Variants in LANCL1 observed in about 807,000 individuals in gnomAD.
The protein encoded by LANCL1 is glutathione S-transferase LANCL1.
Under a neutral mutation model 50.6 loss-of-function variants are expected in LANCL1, and 50 were observed. The ratio of observed to expected loss-of-function variants is 0.99; its 90% CI spans 0.79 to 1.25. The LOEUF (loss-of-function observed/expected upper bound fraction) is 1.25. LANCL1 is among the 50% of genes most tolerant of loss of function. The probability of loss-of-function intolerance (pLI) is 0.00; values close to 1 mark genes in which losing one functional copy is unlikely to be tolerated. For missense variants in LANCL1, 532 were observed against 480.7 expected (o/e 1.11, Z -1.00); for synonymous variants, 188 against 178.6 (o/e 1.05, Z -0.42).
chr2:210,436,590 G>A (rs941744668), intron 7 of LANCL1, among the ~76,000 whole-genome samples, 198 bp from the exon 8 acceptor site: 2 of 152,160 alleles, frequency 1.3e-5, no homozygotes, highest in African/African-American at 4.8e-5. Context: ...AACTGTGCAT[G>A]ACTTTGGCAT....
chr2:210,471,501 C>G, intron 3 of LANCL1: 1 of 448,922 alleles, frequency 2.2e-6, no homozygotes, highest in South Asian at 1.6e-5. Flanking sequence ...GGAAGTAATA[C>G]TTTACCCTGT....
At chr2:210,473,264 A>T (rs113639448) in intron 2 of LANCL1, among the ~76,000 whole-genome samples, 4 of 152,242 alleles carry the variant, frequency 2.6e-5, no homozygotes, top group African/African-American at 9.6e-5. Context: ...AATCCCAGCT[A>T]TTCGGAAGCC....
chr2:210,451,525 G>A (rs554493579), intron 4 of LANCL1, among the ~76,000 whole-genome samples: 14 of 152,190 alleles, frequency 9.2e-5, no homozygotes, highest in South Asian at 2.1e-4. Flanking sequence ...CATAATAATA[G>A]GTAACATTTA....
intron 4 of LANCL1, among the ~76,000 whole-genome samples, chr2:210,451,951 C>G (rs1438654689): frequency 6.6e-6 from 1 of 151,998 alleles, no homozygotes; most frequent in Non-Finnish European, 1.5e-5. Flanking sequence ...AATGTATAAT[C>G]CACTTATATA....
Position 210,436,211 on chromosome 2 carries a change from C to T in LANCL1, c.1050+5G>A. 1 of 1,612,848 alleles carries T rather than the reference C, an allele frequency of 6.2e-7. No homozygotes were observed. The highest frequency in any genetic ancestry group is 8.5e-7 in the Non-Finnish European group (1 of 1,179,166). On this transcript the variant is annotated splice_donor_5th_base_variant and intron_variant, in intron 8 of 9. Transcript: ENST00000450366. ...TGCTTTCTATTTGGTGGTTCTGACT[C>T]CTACCTTACAGGCCCTATACAGGTA...
intron 9 of LANCL1, among the ~76,000 whole-genome samples, chr2:210,434,931 A>T (rs1387716931): frequency 6.6e-6 from 1 of 152,134 alleles, no homozygotes; most frequent in Non-Finnish European, 1.5e-5. Context: ...GAATCTATCT[A>T]CGTTTACATA....
At chr2:210,467,512 G>C (rs1318021872) in intron 3 of LANCL1, among the ~76,000 whole-genome samples, 1 of 152,088 alleles carries the variant, frequency 6.6e-6, no homozygotes, top group African/African-American at 2.4e-5. Context: ...CCTTCCTTAT[G>C]ATTTTCTTAA....
chr2:210,451,167 A>G (rs751582752), intron 4 of LANCL1, among the ~76,000 whole-genome samples: 2 of 152,230 alleles, frequency 1.3e-5, no homozygotes, highest in African/African-American at 2.4e-5. Context: ...GGATGAGTTC[A>G]TGTCCTTTGC....
intron 7 of LANCL1, 66 bp downstream of exon 7, chr2:210,437,624 A>C (rs1692977747): frequency 1.0e-6 from 1 of 990,874 alleles, no homozygotes; most frequent in Non-Finnish European, 1.4e-6. Flanking sequence ...GATTAGGATA[A>C]AACTAATTTT....
In LANCL1 at chr2:210,441,554, A is replaced by G; in HGVS notation, c.408-111T>C. On this transcript the variant is annotated intron_variant, in intron 4 of 9. Transcript: ENST00000450366. ...ACATGCACACAAAATATGTATTTAT[A>G]CATATATAATATCTATTTATAGAAC... The G allele has an allele frequency of 8.7e-6, 7 of 805,036 alleles. No homozygotes were observed. In the South Asian group the frequency reaches 1.3e-4, roughly 15 times the overall value. The allele number at this position is 805,036 out of a possible 1,614,324, so 49.9% of individuals were successfully genotyped here.
At position 210,476,025 on chromosome 2, in the gene LANCL1, TA is replaced by T. The variant is rs548136435; in HGVS notation, c.81+290del. On this transcript the variant is annotated intron_variant, in intron 2 of 9. Transcript: ENST00000450366. ...CCTCTTTTTAAGAAGCAAACCAAAATACATTAAAAAATGCCAATTACATAGT... is the reference window on the plus strand; with the variant it reads ...CCTCTTTTTAAGAAGCAAACCAAAATCATTAAAAAATGCCAATTACATAGT... Among the ~76,000 whole-genome samples, 3 of 152,258 alleles carry T rather than the reference TA, an allele frequency of 2.0e-5. No homozygotes were observed. The South Asian group carries it at 6.2e-4, about 32-fold the overall frequency.
chr2:210,441,346 A>G lies in LANCL1; in HGVS notation c.505T>C (p.Phe169Leu). 1 of 1,613,476 alleles carries G rather than the reference A, an allele frequency of 6.2e-7. No homozygotes were observed. Reference sequence around the variant, plus strand: ...CTTTGAGGAATCTTTTCCACTCCAAAGTTCTTATTGACAAAAAGAAGAGCA... The same window carrying G: ...CTTTGAGGAATCTTTTCCACTCCAAGGTTCTTATTGACAAAAAGAAGAGCA... ...IYALLFVNKN[F>L]GVEKIPQSHI... Residue 169 changes from phenylalanine (F) to leucine (L), a missense_variant, in exon 5 of 10, where the codon TTT (phenylalanine) becomes CTT (leucine). Physicochemically the swap from Phe to Leu is conservative, Grantham distance 22. Coordinates refer to ENST00000450366, the MANE Select transcript of LANCL1 (RefSeq NM_006055.3).
upstream of LANCL1, chr2:210,477,577 A>G: frequency 7.1e-7 from 1 of 1,398,790 alleles, no homozygotes; most frequent in Non-Finnish European, 9.3e-7. Context: ...CTCCAACTGG[A>G]GAAGCTCAGT....
intron 7 of LANCL1, among the ~76,000 whole-genome samples, chr2:210,436,967 A>G (rs1189545289): frequency 3.3e-5 from 5 of 152,290 alleles, no homozygotes; most frequent in South Asian, 4.1e-4. Flanking sequence ...TATTATTAAC[A>G]TATCTAATTC....
intron 4 of LANCL1, among the ~76,000 whole-genome samples, chr2:210,448,387 C>T (rs889074642): frequency 5.3e-5 from 8 of 152,062 alleles, no homozygotes; most frequent in African/African-American, 1.7e-4. Flanking sequence ...TAAATGCCCA[C>T]AAGAGAAAGA....
In LANCL1 at chr2:210,431,920, T is replaced by C. The variant is rs1692758281; in HGVS notation, c.*2567A>G. 1 of 152,194 alleles carries C rather than the reference T, an allele frequency of 6.6e-6. No individual in the cohort carries two copies. The allele number at this position is 152,194 out of a possible 1,614,324, so 9.4% of individuals were successfully genotyped here. A position where few individuals can be genotyped will look rare whatever the true frequency, so the allele number is the denominator to read the frequency against. On this transcript the variant is annotated 3_prime_UTR_variant, in exon 10 of 10. Coordinates refer to ENST00000450366, the MANE Select transcript of LANCL1 (RefSeq NM_006055.3). Reference sequence around the variant, plus strand: ...CTAAATTACTATAGAAACAGAAACATGTGACAGGATAAATGAACACTGCTT... The same window carrying C: ...CTAAATTACTATAGAAACAGAAACACGTGACAGGATAAATGAACACTGCTT...
intron 4 of LANCL1, among the ~76,000 whole-genome samples, chr2:210,443,732 C>T (rs1274123194): frequency 6.6e-6 from 1 of 152,150 alleles, no homozygotes. Context: ...CTCCAACCCC[C>T]GCCCCAAAGT....
Position 210,436,755 on chromosome 2 carries a change from G to C in LANCL1, c.874-363C>G, listed in dbSNP as rs564012440. ...ACTCTGATGCCCTCTTCACTATTAG[G>C]AAGTTTCTTTACACACTGGAGAAGA... On this transcript the variant is annotated intron_variant, in intron 7 of 9. Coordinates refer to ENST00000450366, the MANE Select transcript of LANCL1 (RefSeq NM_006055.3). 2.6e-5 allele frequency among the ~76,000 whole-genome samples: 4 copies of C among 152,230 alleles called. No homozygotes were observed. In the South Asian group the frequency reaches 6.2e-4, roughly 24 times the overall value.
At chr2:210,476,265 C>G (rs778237597) in intron 2 of LANCL1, 51 bp downstream of exon 2, 1 of 1,403,038 alleles carries the variant, frequency 7.1e-7, no homozygotes, top group East Asian at 2.3e-5. Flanking sequence ...AGCACCTTTC[C>G]GAACACCGTG....
Sources: gnomAD v4.1 joint callset for allele counts (sites outside exome capture counted in the v4.1 genomes callset) on GRCh38, gnomAD v4.1.1 for gene constraint, MANE v1.5 for transcripts, NCBI Gene and HGNC (gene_info 2026-07-23, HGNC 2026-07-21) for gene names.